ZNF69: variants seen among roughly 807,000 people sequenced by gnomAD.
The protein encoded by ZNF69 is zinc finger protein 69, also known as ZNF3.
In ZNF69, 47 loss-of-function variants were observed where a neutral mutation model predicts 50.9. The ratio of observed to expected loss-of-function variants is 0.92; its 90% confidence interval spans 0.73 to 1.18. The LOEUF (loss-of-function observed/expected upper bound fraction) is 1.18. ZNF69 is among the 50% of genes most tolerant of loss of function. The pLI, the probability that ZNF69 is intolerant of heterozygous loss-of-function variation, is 0.00. For synonymous variants in ZNF69, 216 were observed against 223.1 expected, an observed-to-expected ratio of 0.97 and a Z score of 0.29; for missense variants, 717 against 675.1, an observed-to-expected ratio of 1.06 and a Z score of -0.69.
At chr19:11,953,972 T>G in the ZNF69 span, among the ~76,000 whole-genome samples, 1 of 152,218 alleles carries the variant, frequency 6.6e-6, no homozygotes, top group Non-Finnish European at 1.5e-5. Flanking sequence ...GAAAATACCT[T>G]GATTTATGAG....
chr19:11,947,359 A>T, the ZNF69 span: 1 of 1,611,522 alleles, frequency 6.2e-7, no homozygotes, highest in East Asian at 2.2e-5. Flanking sequence ...CAGTGTTTCT[A>T]GCTCATGAAT....
chr19:11,908,080 A>G (rs1240120479), downstream of ZNF69, among the ~76,000 whole-genome samples: 1 of 152,158 alleles, frequency 6.6e-6, no homozygotes, highest in East Asian at 1.9e-4. Flanking sequence ...AGACAAGGCC[A>G]TTACATAAAG....
At chr19:11,937,311 G>T in the ZNF69 span, among the ~76,000 whole-genome samples, 1 of 152,026 alleles carries the variant, frequency 6.6e-6, no homozygotes, top group Non-Finnish European at 1.5e-5. Context: ...AGGTGTTTCA[G>T]TACCATTTGT....
chr19:11,889,764 C>T (rs1002078900), intron 1 of ZNF69, among the ~76,000 whole-genome samples: 7 of 152,160 alleles, frequency 4.6e-5, no homozygotes, highest in African/African-American at 9.7e-5. Flanking sequence ...GGACCTGCAC[C>T]GGCGCTGGTC....
the ZNF69 span, among the ~76,000 whole-genome samples, chr19:11,976,254 T>G: frequency 4.0e-5 from 6 of 151,646 alleles, no homozygotes; most frequent in Non-Finnish European, 8.8e-5. Context: ...AGGACTCTAT[T>G]ACGACAGGTG....
the ZNF69 span, chr19:11,947,374 T>C: frequency 1.2e-6 from 2 of 1,608,712 alleles, no homozygotes; most frequent in Non-Finnish European, 1.7e-6. Context: ...ATGAATGCTG[T>C]TGAGTGATTT....
chr19:11,965,283 G>A, the ZNF69 span: 2 of 1,605,648 alleles, frequency 1.2e-6, no homozygotes, highest in East Asian at 2.2e-5. Flanking sequence ...CGGCTGCGGC[G>A]GGACCCGGGC....
At chr19:11,977,424 A>C in the ZNF69 span, 2 of 1,614,002 alleles carry the variant, frequency 1.2e-6, no homozygotes, top group East Asian at 4.5e-5. Flanking sequence ...CCCCAGGAGA[A>C]ACTTCAGGTA....
At chr19:11,974,611 G>GC in the ZNF69 span, among the ~76,000 whole-genome samples, 6 of 147,200 alleles carry the variant, frequency 4.1e-5, no homozygotes, top group Non-Finnish European at 6.0e-5. Context: ...CTTTTTTTGG[G>GC]CGGGGGGGTG....
chr19:11,963,430 C>CA, the ZNF69 span, among the ~76,000 whole-genome samples: 1 of 152,162 alleles, frequency 6.6e-6, no homozygotes, highest in Non-Finnish European at 1.5e-5. Context: ...TGCAATCTCT[C>CA]AGAGTTATGC....
At chr19:11,949,846 C>A in the ZNF69 span, 1 of 1,612,974 alleles carries the variant, frequency 6.2e-7, no homozygotes. Flanking sequence ...CTCAAACCTT[C>A]GAAAGCATGG....
the ZNF69 span, among the ~76,000 whole-genome samples, chr19:11,921,968 T>G: frequency 6.6e-6 from 1 of 152,160 alleles, no homozygotes; most frequent in African/African-American, 2.4e-5. Context: ...GCCCAGAGTG[T>G]GGCAAGGCAA....
At chr19:11,900,498 T>C (rs1269158674) in intron 1 of ZNF69, among the ~76,000 whole-genome samples, 1 of 151,794 alleles carries the variant, frequency 6.6e-6, no homozygotes, top group African/African-American at 2.4e-5. Flanking sequence ...GATTACAGGC[T>C]CACGCCACCA....
the ZNF69 span, among the ~76,000 whole-genome samples, chr19:11,934,361 G>A: frequency 3.4e-5 from 5 of 147,904 alleles, 1 homozygote; most frequent in African/African-American, 1.3e-4. Flanking sequence ...TCAGACCTCC[G>A]CAGACTGTCT....
chr19:11,973,735 TA>T, the ZNF69 span, among the ~76,000 whole-genome samples: 16 of 150,094 alleles, frequency 1.1e-4, no homozygotes, highest in African/African-American at 3.2e-4. Context: ...TTTTTTTTTT[TA>T]AAGACTCACC....
chr19:11,902,137 C>A (rs1972260088), intron 1 of ZNF69, among the ~76,000 whole-genome samples: 1 of 152,024 alleles, frequency 6.6e-6, no homozygotes, highest in South Asian at 2.1e-4. Flanking sequence ...CATGTGCCGC[C>A]ATGCCCGGGT....
At chr19:11,945,710 TTCC>T in the ZNF69 span, among the ~76,000 whole-genome samples, 2 of 152,048 alleles carry the variant, frequency 1.3e-5, no homozygotes, top group African/African-American at 4.8e-5. Flanking sequence ...AAAGTCTTCA[TTCC>T]TCCTCCTGGG....
the ZNF69 span, chr19:11,979,797 A>C: frequency 1.3e-6 from 2 of 1,575,984 alleles, no homozygotes; most frequent in Admixed American, 1.7e-5. Context: ...AAACCCTATG[A>C]GTGTAAGGAA....
rs142862066 is a variant in ZNF69, at chr19:11,902,916, C to T, written c.64-657C>T. ...GGCAACTCACTTTTCTCCCTGGGTTCGGTAAATACATTTCCTATCCTGCTG... is the reference window on the plus strand; with the variant it reads ...GGCAACTCACTTTTCTCCCTGGGTTTGGTAAATACATTTCCTATCCTGCTG... On this transcript the variant is annotated intron_variant, in intron 1 of 3. Transcript: ENST00000429654. Among the ~76,000 whole-genome samples the T allele has an allele frequency of 3.7e-4, 56 of 152,228 alleles. No homozygotes were observed. The East Asian group carries it at 9.3e-3, about 25-fold the overall frequency.
Sources: allele counts gnomAD v4.1 joint callset (sites outside exome capture counted in the v4.1 genomes callset), GRCh38; gene constraint gnomAD v4.1.1; transcripts MANE v1.5; gene names NCBI Gene and HGNC (gene_info 2026-07-23, HGNC 2026-07-21).